Variants in SLC10A7 observed in about 807,000 individuals in gnomAD.
SLC10A7 encodes solute carrier family 10 member 7.
SLC10A7 carries 29 observed loss-of-function variants against 43.2 expected under a neutral mutation model. The observed-to-expected ratio is 0.67, with a 90% CI of 0.50 to 0.92. The LOEUF (loss-of-function observed/expected upper bound fraction) is 0.92, where lower values mean the gene tolerates loss of function less well. Ranked by LOEUF, SLC10A7 falls within the 40% of genes least tolerant of loss-of-function variation. The pLI is 0.00. For missense variants in SLC10A7, 295 were observed against 403.2 expected, an observed-to-expected ratio of 0.73 and a Z score of 2.30; for synonymous variants, 152 against 144.8, an observed-to-expected ratio of 1.05 and a Z score of -0.35.
intron 9 of SLC10A7, among the ~76,000 whole-genome samples, chr4:146,284,814 G>C (rs1433771065): frequency 6.6e-6 from 1 of 152,064 alleles, no homozygotes; most frequent in Admixed American, 6.6e-5. Context: ...AGGCCTAATG[G>C]GGAAGGAGTT....
chr4:146,514,046 G>T (rs1376919459), intron 2 of SLC10A7: 1 of 152,148 alleles, frequency 6.6e-6, no homozygotes, highest in Non-Finnish European at 1.5e-5. Context: ...CTCTAATTGG[G>T]ACGTAGAAAT....
At chr4:146,313,222 A>C (rs1362521251) in intron 6 of SLC10A7, among the ~76,000 whole-genome samples, 1 of 152,148 alleles carries the variant, frequency 6.6e-6, no homozygotes, top group Non-Finnish European at 1.5e-5. Context: ...GGGCAAGGGA[A>C]AAGCCTGGCT....
chr4:146,265,965 C>A (rs1728525913), intron 10 of SLC10A7, among the ~76,000 whole-genome samples: 1 of 152,196 alleles, frequency 6.6e-6, no homozygotes, highest in South Asian at 2.1e-4. Context: ...TGTACTTTCC[C>A]ACTTAGCATG....
At chr4:146,419,740 G>A (rs547921080) in intron 5 of SLC10A7, among the ~76,000 whole-genome samples, 69 of 152,138 alleles carry the variant, frequency 4.5e-4, no homozygotes, top group African/African-American at 1.6e-3. Flanking sequence ...GGAGGCTGAG[G>A]CACGAGAATC....
chr4:146,357,910 A>G (rs796826074), intron 5 of SLC10A7, among the ~76,000 whole-genome samples: 3 of 152,166 alleles, frequency 2.0e-5, no homozygotes, highest in African/African-American at 7.2e-5. Flanking sequence ...CGAAAAAGAG[A>G]AAAGGACTTG....
At chr4:146,495,257 C>A (rs1735783397) in intron 4 of SLC10A7, among the ~76,000 whole-genome samples, 1 of 152,200 alleles carries the variant, frequency 6.6e-6, no homozygotes, top group South Asian at 2.1e-4. Flanking sequence ...AAAGCAGTAA[C>A]CCCATTTAAC....
intron 5 of SLC10A7, among the ~76,000 whole-genome samples, chr4:146,414,336 G>A (rs914322012): frequency 2.0e-5 from 3 of 152,086 alleles, no homozygotes; most frequent in Non-Finnish European, 2.9e-5. Flanking sequence ...TGAAAAATAC[G>A]ACAACCCAGA....
At chr4:146,504,625 T>G (rs1736733549) in intron 3 of SLC10A7, among the ~76,000 whole-genome samples, 1 of 152,198 alleles carries the variant, frequency 6.6e-6, no homozygotes, top group Admixed American at 6.5e-5. Context: ...TTTCCCTACA[T>G]TTTGTTTGTA....
At chr4:146,422,872 C>T (rs1180850514) in intron 5 of SLC10A7, among the ~76,000 whole-genome samples, 3 of 152,000 alleles carry the variant, frequency 2.0e-5, no homozygotes, top group East Asian at 1.9e-4. Context: ...TCTTCCCAAC[C>T]GCCCATATTT....
intron 5 of SLC10A7, among the ~76,000 whole-genome samples, chr4:146,388,980 A>G (rs1738218201): frequency 6.6e-6 from 1 of 152,216 alleles, no homozygotes; most frequent in Admixed American, 6.5e-5. Flanking sequence ...AATATTTGCA[A>G]GCTATGCAGC....
chr4:146,491,403 G>A (rs1735401794), intron 4 of SLC10A7, among the ~76,000 whole-genome samples: 1 of 152,056 alleles, frequency 6.6e-6, no homozygotes, highest in Admixed American at 6.5e-5. Flanking sequence ...AAATATGAAT[G>A]GCAAATATCC....
intron 7 of SLC10A7, among the ~76,000 whole-genome samples, chr4:146,304,821 C>A (rs1332423652): frequency 3.3e-5 from 5 of 152,018 alleles, no homozygotes; most frequent in Admixed American, 1.3e-4. Flanking sequence ...CTTTCTGTCT[C>A]GTTGATCTGT....
chr4:146,267,675 C>T (rs1728646407), intron 10 of SLC10A7, among the ~76,000 whole-genome samples: 2 of 152,176 alleles, frequency 1.3e-5, no homozygotes, highest in South Asian at 4.1e-4. Flanking sequence ...AGAACCTCTA[C>T]TGTTGCTTTA....
At position 146,305,972 on chromosome 4, in the gene SLC10A7, A is replaced by T. The variant is rs1173490126; in HGVS notation, c.509T>A (p.Phe170Tyr). Residue 170 changes from phenylalanine to tyrosine, a missense_variant, in exon 7 of 12, where the codon TTT becomes TAT. Physicochemically the swap from Phe to Tyr is conservative, Grantham distance 22. This residue lies in a region of SLC10A7 where 242 missense variants were observed against 362.5 expected (regional missense o/e 0.67). Coordinates refer to ENST00000335472, the MANE Select transcript of SLC10A7 (RefSeq NM_001029998.6). ...SSSSVPFTSIFSQLFMTVVVP... is the reference protein window; with the variant it reads ...SSSSVPFTSIYSQLFMTVVVP... ...CACAACAGTCATAAAAAGCTGAGAA[A>T]AAATAGATGTGAAAGGCACAGAAGA... 1 of 1,610,740 alleles carries T rather than the reference A, an allele frequency of 6.2e-7. No individual in the cohort carries two copies. The highest frequency in any genetic ancestry group is 1.7e-5 in the Admixed American group (1 of 59,330).
chr4:146,328,490 G>A lies in SLC10A7; in HGVS notation c.436-2494C>T, dbSNP rs75919551. On this transcript the variant is annotated intron_variant, in intron 5 of 11. Coordinates refer to ENST00000335472, the MANE Select transcript of SLC10A7 (RefSeq NM_001029998.6). ...GCATCATCGGTGGACCTTAGGAGAA[G>A]CTGTTCCTCTTCTACCACTGCTGCT... Among the ~76,000 whole-genome samples the A allele has an allele frequency of 5.6e-3, 855 of 152,256 alleles. 23 individuals are homozygous for A. In the East Asian group the frequency reaches 0.066, roughly 12 times the overall value.
intron 7 of SLC10A7, among the ~76,000 whole-genome samples, chr4:146,294,586 G>C (rs1030179983): frequency 7.2e-5 from 11 of 152,206 alleles, no homozygotes; most frequent in Admixed American, 3.9e-4. Flanking sequence ...CAATGCACCA[G>C]AAGTTTTTAA....
intron 10 of SLC10A7, among the ~76,000 whole-genome samples, chr4:146,265,852 AC>A (rs1370593411): frequency 2.6e-5 from 4 of 152,210 alleles, no homozygotes; most frequent in Non-Finnish European, 4.4e-5. Context: ...AAGAAACTGG[AC>A]TGACGAAGGA....
intron 6 of SLC10A7, among the ~76,000 whole-genome samples, chr4:146,323,334 T>C (rs1732868961): frequency 6.6e-6 from 1 of 152,216 alleles, no homozygotes; most frequent in African/African-American, 2.4e-5. Context: ...CTAGGAGGTT[T>C]TCTTCTAGGG....
intron 10 of SLC10A7, among the ~76,000 whole-genome samples, chr4:146,268,858 C>T (rs577534594): frequency 3.9e-4 from 59 of 152,072 alleles, no homozygotes; most frequent in African/African-American, 1.3e-3. Flanking sequence ...TACTTAGGAA[C>T]CCTAAAAAAG....
Sources: gnomAD v4.1 joint callset for allele counts (sites outside exome capture counted in the v4.1 genomes callset) on GRCh38, gnomAD v4.1.1 for gene constraint, gnomAD v4.1.1 regional missense constraint, MANE v1.5 for transcripts, NCBI Gene and HGNC (gene_info 2026-07-23, HGNC 2026-07-21) for gene names.